Variants in ITGA2 observed in about 807,000 individuals in gnomAD.
ITGA2 encodes the protein integrin subunit alpha 2, also known as integrin alpha-2.
In ITGA2, 101 loss-of-function variants were observed where a neutral mutation model predicts 146.3. That is an observed-to-expected ratio of 0.69 (90% CI 0.59 to 0.81). The LOEUF is 0.81. Ranked by LOEUF, ITGA2 falls within the 40% of genes least tolerant of loss-of-function variation. The pLI is 0.00. For missense variants in ITGA2, 1,281 were observed against 1,402.7 expected (o/e 0.91, Z 1.39); for synonymous variants, 477 against 487.1 (o/e 0.98, Z 0.27).
intron 26 of ITGA2, among the ~76,000 whole-genome samples, chr5:53,082,229 G>C (rs1745956375): frequency 6.6e-6 from 1 of 152,148 alleles, no homozygotes. Context: ...ATCTGGCATG[G>C]TGCTCGGCAC....
intron 14 of ITGA2, 69 bp from the exon 15 acceptor site, chr5:53,065,772 A>T: frequency 1.9e-6 from 3 of 1,603,848 alleles, no homozygotes; most frequent in Non-Finnish European, 2.6e-6. Flanking sequence ...TAATAATGAA[A>T]TTCAGAGGCT....
rs3212648 is a variant in ITGA2, at chr5:53,091,060, A to C, written c.*461A>C. The C allele has an allele frequency of 1.0e-3, 277 of 277,068 alleles. No individual in the cohort carries two copies. The highest frequency in any genetic ancestry group is 6.0e-3 in the African/African-American group (253 of 42,124). The allele number at this position is 277,068 out of a possible 1,614,324, so 17.2% of individuals were successfully genotyped here. A position where few individuals can be genotyped will look rare whatever the true frequency, so the allele number is the denominator to read the frequency against. On this transcript the variant is annotated 3_prime_UTR_variant, in exon 30 of 30. Coordinates refer to ENST00000296585, the MANE Select transcript of ITGA2 (RefSeq NM_002203.4). Reference sequence around the variant, plus strand: ...ACTTCCACTTGTGTATATTTTAATGAATATTGATGTTAACAAGAGGGGAAA... The same window carrying C: ...ACTTCCACTTGTGTATATTTTAATGCATATTGATGTTAACAAGAGGGGAAA...
rs114519918 is a variant in ITGA2, at chr5:53,000,485, C to T, written c.64+10953C>T. Among the ~76,000 whole-genome samples, 900 of 152,164 alleles carry T rather than the reference C, an allele frequency of 5.9e-3. 10 individuals carry two copies. Among genetic ancestry groups the T allele is most frequent in the African/African-American group, 0.021 (855 of 41,546 alleles). ...TCATGAGTGTGATTATCCTATAATTCTTTATGTTTCTTACTCTCTCTACTG... is the reference window on the plus strand; with the variant it reads ...TCATGAGTGTGATTATCCTATAATTTTTTATGTTTCTTACTCTCTCTACTG... On this transcript the variant is annotated intron_variant, in intron 1 of 29. Coordinates refer to ENST00000296585, the MANE Select transcript of ITGA2 (RefSeq NM_002203.4).
At chr5:53,050,653 C>G (rs990043298) in intron 6 of ITGA2, among the ~76,000 whole-genome samples, 1 of 152,156 alleles carries the variant, frequency 6.6e-6, no homozygotes, top group African/African-American at 2.4e-5. Context: ...TCTGGAAAGC[C>G]CATCTCCTAG....
At chr5:53,004,894 GTTTTTTTTTTTTTTTTTTTTTTTTTT>G (rs548541753) in intron 1 of ITGA2, among the ~76,000 whole-genome samples, 12 of 55,946 alleles carry the variant, frequency 2.1e-4, no homozygotes, top group Middle Eastern at 0.014. Context: ...TAGTTGCTTT[GTTTTTTTTTTTTTTTTTTTTTTTTTT>G]TTTTTTTTTT....
At chr5:53,049,128 C>T (rs1389000711) in intron 6 of ITGA2, among the ~76,000 whole-genome samples, 1 of 152,036 alleles carries the variant, frequency 6.6e-6, no homozygotes, top group African/African-American at 2.4e-5. Context: ...TCTTTTGCCT[C>T]AGCCTCCCGA....
intron 28 of ITGA2, chr5:53,088,899 TA>T (rs2112047849): frequency 6.6e-6 from 1 of 152,236 alleles, no homozygotes; most frequent in South Asian, 2.1e-4. Context: ...CTGGCCCACT[TA>T]AAAATCTGAT....
At chr5:53,030,589 T>A (rs924528217) in intron 2 of ITGA2, among the ~76,000 whole-genome samples, 2 of 152,208 alleles carry the variant, frequency 1.3e-5, no homozygotes, top group Non-Finnish European at 2.9e-5. Context: ...AGCAAGTCTG[T>A]CTGGGTCCTT....
At chr5:53,035,980 CTGATGGTAG>C (rs1270996363) in intron 2 of ITGA2, among the ~76,000 whole-genome samples, 8 of 152,236 alleles carry the variant, frequency 5.3e-5, no homozygotes, top group Admixed American at 5.2e-4. Flanking sequence ...CCCCTTTAAT[CTGATGGTAG>C]TGACTAGTTT....
At chr5:53,088,539 A>T (rs1217923276) in intron 28 of ITGA2, among the ~76,000 whole-genome samples, 1 of 152,136 alleles carries the variant, frequency 6.6e-6, no homozygotes, top group African/African-American at 2.4e-5. Context: ...TACAAAAATT[A>T]GCTGGGTGTG....
chr5:53,034,356 G>A (rs1269248704), intron 2 of ITGA2, among the ~76,000 whole-genome samples: 3 of 151,636 alleles, frequency 2.0e-5, no homozygotes, highest in African/African-American at 7.3e-5. Context: ...GTTGCAGTGA[G>A]CCAAGATCAC....
chr5:53,019,787 A>T (rs1742584646), intron 1 of ITGA2, among the ~76,000 whole-genome samples: 1 of 152,054 alleles, frequency 6.6e-6, no homozygotes, highest in Non-Finnish European at 1.5e-5. Flanking sequence ...CGGCCTCCCA[A>T]AGTACTGGGA....
intron 24 of ITGA2, 34 bp from the exon 25 acceptor site, chr5:53,080,477 G>A (rs574863995): frequency 2.0e-6 from 3 of 1,526,184 alleles, no homozygotes; most frequent in Non-Finnish European, 2.7e-6. Context: ...TGTACATCCT[G>A]TTGCAGTACT....
At chr5:53,014,643 C>T (rs1365777007) in intron 1 of ITGA2, among the ~76,000 whole-genome samples, 1 of 152,126 alleles carries the variant, frequency 6.6e-6, no homozygotes, top group African/African-American at 2.4e-5. Flanking sequence ...CCCTCCTCCT[C>T]AATTTTTTGG....
intron 1 of ITGA2, among the ~76,000 whole-genome samples, chr5:53,016,613 T>C (rs153138): frequency 0.097 from 14,804 of 152,238 alleles, 883 homozygotes; most frequent in South Asian, 0.19. Context: ...CTGCATTTCC[T>C]GAATTTAAAT....
intron 6 of ITGA2, among the ~76,000 whole-genome samples, chr5:53,050,339 T>C (rs1459661407): frequency 6.6e-6 from 1 of 152,190 alleles, no homozygotes; most frequent in East Asian, 1.9e-4. Flanking sequence ...TTTCTTCTTT[T>C]TCACACAGAA....
At chr5:53,074,555 C>G in intron 21 of ITGA2, 78 bp downstream of exon 21, 1 of 1,135,220 alleles carries the variant, frequency 8.8e-7, no homozygotes, top group South Asian at 1.3e-5. Context: ...TAACATCTTG[C>G]TATCATGATT....
chr5:53,069,170 G>A (rs1010856495), intron 16 of ITGA2, among the ~76,000 whole-genome samples: 1 of 151,744 alleles, frequency 6.6e-6, no homozygotes, highest in Admixed American at 6.6e-5. Context: ...AGGCAATAAG[G>A]CAGCTGATGC....
intron 1 of ITGA2, among the ~76,000 whole-genome samples, chr5:53,023,971 A>G (rs958825258): frequency 1.3e-5 from 2 of 152,218 alleles, no homozygotes; most frequent in Non-Finnish European, 2.9e-5. Context: ...AAGTAGCTGA[A>G]AAGAGATTTA....
Sources: allele counts gnomAD v4.1 joint callset (sites outside exome capture counted in the v4.1 genomes callset), GRCh38; gene constraint gnomAD v4.1.1; transcripts MANE v1.5; gene names NCBI Gene and HGNC (gene_info 2026-07-23, HGNC 2026-07-21).